Variants in ENO2 observed in about 807,000 individuals in gnomAD.
ENO2 encodes the protein gamma-enolase.
In ENO2, 19 loss-of-function variants were observed where a neutral mutation model predicts 48.7. The ratio of observed to expected loss-of-function variants is 0.39; its 90% CI spans 0.27 to 0.57. The LOEUF is 0.57. ENO2 is among the 20% of genes least tolerant of loss of function. The pLI is 0.58. For missense variants in ENO2, 416 were observed against 555.0 expected, an observed-to-expected ratio of 0.75 and a Z score of 2.52; for synonymous variants, 198 against 213.4, an observed-to-expected ratio of 0.93 and a Z score of 0.63.
intron 2 of ENO2, 21 bp downstream of exon 2, chr12:6,915,938 C>T (rs371229088): frequency 8.1e-6 from 13 of 1,613,266 alleles, no homozygotes; most frequent in Non-Finnish European, 1.1e-5. Flanking sequence ...TGGCATGGGC[C>T]TTCCTACAGC....
intron 5 of ENO2, 58 bp downstream of exon 5, chr12:6,917,165 T>C (rs1555141696): frequency 2.5e-6 from 4 of 1,603,664 alleles, no homozygotes; most frequent in Middle Eastern, 3.3e-4. Context: ...GTGGAGCAGA[T>C]AGAGAGCTGA....
intron 9 of ENO2, 100 bp from the exon 10 acceptor site, chr12:6,921,956 T>C (rs1945344985): frequency 6.4e-7 from 1 of 1,550,798 alleles, no homozygotes; most frequent in African/African-American, 1.4e-5. Context: ...CCCTCCCAGA[T>C]AGCTTTCCCC....
chr12:6,921,135 C>T (rs1174305784), intron 8 of ENO2, among the ~76,000 whole-genome samples: 4 of 152,230 alleles, frequency 2.6e-5, no homozygotes, highest in Non-Finnish European at 4.4e-5. Flanking sequence ...TGGCTCATGC[C>T]TGTAATCCCA....
At chr12:6,915,563 A>G in intron 1 of ENO2, 1 of 376,226 alleles carries the variant, frequency 2.7e-6, no homozygotes, top group Non-Finnish European at 5.1e-6. Flanking sequence ...GTGTTCTCCC[A>G]TCTCATCATT....
At chr12:6,917,384 G>A (rs1229656055) in intron 5 of ENO2, 197 bp from the exon 6 acceptor site, 40 of 786,188 alleles carry the variant, frequency 5.1e-5, no homozygotes, top group Middle Eastern at 7.2e-4. Flanking sequence ...GCTCTCTGCC[G>A]TTTCCAATCT....
At position 6,917,301 on chromosome 12, in the gene ENO2, T is replaced by C. The variant is rs111303572; in HGVS notation, c.310+194T>C. The C allele has an allele frequency of 2.9e-5, 21 of 735,444 alleles. No individual in the cohort carries two copies. In the African/African-American group the frequency reaches 3.2e-4, roughly 11 times the overall value. 45.6% of individuals were successfully genotyped at this position (735,444 alleles called of 1,614,324 possible). On this transcript the variant is annotated intron_variant, in intron 5 of 11. Coordinates refer to ENST00000229277, the MANE Select transcript of ENO2 (RefSeq NM_001975.3). ...CCGACAGTAGGCAGAAGGAAGACCT[T>C]CTTTGCAGCATACAGAGGAGGGGGA...
At chr12:6,915,699 C>CT in intron 1 of ENO2, 122 bp from the exon 2 acceptor site, 1 of 280,806 alleles carries the variant, frequency 3.6e-6, no homozygotes, top group South Asian at 3.3e-5. Flanking sequence ...TCCCTACCCA[C>CT]CCCCCACCCA....
intron 8 of ENO2, 51 bp downstream of exon 8, chr12:6,919,814 C>T (rs1555141954): frequency 1.3e-6 from 2 of 1,594,480 alleles, no homozygotes. Flanking sequence ...AGGGACGTGT[C>T]CCAGCAACTC....
chr12:6,923,485 C>T lies in ENO2; in HGVS notation c.*685C>T, dbSNP rs918295112. 4 of 152,180 alleles carry T rather than the reference C, an allele frequency of 2.6e-5. No homozygotes were observed. The highest frequency in any genetic ancestry group is 9.7e-5 in the African/African-American group (4 of 41,398). 9.4% of individuals were successfully genotyped at this position (152,180 alleles called of 1,614,324 possible). A position where few individuals can be genotyped will look rare whatever the true frequency, so the allele number is the denominator to read the frequency against. ...ATAGAAAGGGCCTTGACATCAGTTC[C>T]TTTGTGTGTACTCACTGAAGCCTGC... On this transcript the variant is annotated 3_prime_UTR_variant, in exon 12 of 12. Coordinates refer to ENST00000229277, the MANE Select transcript of ENO2 (RefSeq NM_001975.3).
intron 8 of ENO2, among the ~76,000 whole-genome samples, chr12:6,920,717 C>CTTTT (rs781865832): frequency 9.5e-5 from 9 of 95,148 alleles, no homozygotes; most frequent in East Asian, 2.8e-4. Context: ...TTTTAATTAA[C>CTTTT]TTTTTTTTTT....
chr12:6,923,142 G>T lies in ENO2; in HGVS notation c.*342G>T. The T allele has an allele frequency of 3.2e-6, 1 of 316,914 alleles. No individual in the cohort carries two copies. The highest frequency in any genetic ancestry group is 6.2e-6 in the Non-Finnish European group (1 of 161,896). 19.6% of individuals were successfully genotyped at this position (316,914 alleles called of 1,614,324 possible). On this transcript the variant is annotated 3_prime_UTR_variant, in exon 12 of 12. Coordinates refer to ENST00000229277, the MANE Select transcript of ENO2 (RefSeq NM_001975.3). ...GGGAGCGTCAGGGTTGGTGTGCTGA[G>T]GTGTTAGAGAGGGACCATGTGTCAC...
At chr12:6,919,810 G>T in intron 8 of ENO2, 47 bp downstream of exon 8, 2 of 1,595,110 alleles carry the variant, frequency 1.3e-6, no homozygotes, top group Non-Finnish European at 1.7e-6. Flanking sequence ...AGGCAGGGAC[G>T]TGTCCCAGCA....
rs782591534 is a variant in ENO2, at chr12:6,915,830, A to C, written c.-3A>C. The C allele has an allele frequency of 6.2e-7, 1 of 1,605,358 alleles. No individual in the cohort carries two copies. Among genetic ancestry groups the C allele is most frequent in the Non-Finnish European group, 8.5e-7 (1 of 1,175,100 alleles). On this transcript the variant is annotated 5_prime_UTR_variant, in exon 2 of 12. Transcript: ENST00000229277. ...CCTTCCACCCGAGGAGATCCCAGCC[A>C]TCATGTCCATAGAGAAGATCTGGGC... is the stretch of plus-strand genomic sequence containing the variant.
At chr12:6,918,421 G>T (rs1254405479) in intron 7 of ENO2, among the ~76,000 whole-genome samples, 2 of 150,888 alleles carry the variant, frequency 1.3e-5, no homozygotes, top group South Asian at 2.1e-4. Context: ...CTCGATCTCA[G>T]CTCACTGCAA....
At chr12:6,917,374 GCTCTCTGC>G (rs1945301300) in intron 5 of ENO2, 199 bp from the exon 6 acceptor site, 1 of 735,854 alleles carries the variant, frequency 1.4e-6, no homozygotes, top group African/African-American at 1.8e-5. Context: ...AAGAGGTGTG[GCTCTCTGC>G]CGTTTCCAAT....
At chr12:6,920,390 G>T (rs1591653303) in intron 8 of ENO2, among the ~76,000 whole-genome samples, 1 of 144,360 alleles carries the variant, frequency 6.9e-6, no homozygotes, top group African/African-American at 2.6e-5. Flanking sequence ...GGGTGGGGTT[G>T]TTTTTTTTGT....
intron 7 of ENO2, among the ~76,000 whole-genome samples, chr12:6,919,338 G>A (rs1048735570): frequency 6.6e-6 from 1 of 152,158 alleles, no homozygotes; most frequent in Admixed American, 6.5e-5. Context: ...ATGCTTAGAT[G>A]ACATGATACC....
chr12:6,921,889 C>T, intron 9 of ENO2, 107 bp downstream of exon 9: 3 of 1,513,788 alleles, frequency 2.0e-6, no homozygotes, highest in Non-Finnish European at 2.7e-6. Flanking sequence ...AGCGGGGAAC[C>T]TGGAATCATC....
intron 6 of ENO2, 87 bp from the exon 7 acceptor site, chr12:6,917,853 T>C: frequency 7.0e-7 from 1 of 1,419,482 alleles, no homozygotes; most frequent in East Asian, 3.0e-5. Flanking sequence ...TCCGGAAAGC[T>C]GGGGGAAGTT....
Sources: gnomAD v4.1 joint callset for allele counts (sites outside exome capture counted in the v4.1 genomes callset) on GRCh38, gnomAD v4.1.1 for gene constraint, MANE v1.5 for transcripts, NCBI Gene and HGNC (gene_info 2026-07-23, HGNC 2026-07-21) for gene names.